OXR1: variants seen among roughly 807,000 people sequenced by gnomAD.
OXR1 encodes oxidation resistance 1.
Under a neutral mutation model 104.6 loss-of-function variants are expected in OXR1, and 41 were observed. The observed-to-expected ratio is 0.39, with a 90% CI of 0.31 to 0.51. The LOEUF is 0.51. Among genes scored for constraint, OXR1 ranks in the 20% least tolerant of loss-of-function variants. The pLI is 0.77. For missense variants in OXR1, 955 were observed against 1,031.9 expected (o/e 0.93, Z 1.02); for synonymous variants, 348 against 348.4 (o/e 1.00, Z 0.01).
At chr8:106,332,806 A>G (rs1178220413) in intron 1 of OXR1, among the ~76,000 whole-genome samples, 1 of 152,066 alleles carries the variant, frequency 6.6e-6, no homozygotes, top group Non-Finnish European at 1.5e-5. Flanking sequence ...CCTGGACACC[A>G]TATTCTACTT....
intron 1 of OXR1, among the ~76,000 whole-genome samples, chr8:106,321,554 T>G (rs1814218356): frequency 6.6e-6 from 1 of 152,100 alleles, no homozygotes; most frequent in Non-Finnish European, 1.5e-5. Context: ...TGAATGGTGT[T>G]AAGACTATTT....
intron 3 of OXR1, among the ~76,000 whole-genome samples, chr8:106,616,218 A>ATTTT (rs372788802): frequency 4.8e-3 from 456 of 95,982 alleles, no homozygotes; most frequent in African/African-American, 7.5e-3. Flanking sequence ...ATTTTTTGGA[A>ATTTT]TTTTTTTTTT....
intron 7 of OXR1, among the ~76,000 whole-genome samples, chr8:106,700,135 A>G (rs1676419): frequency 1.7e-4 from 26 of 152,228 alleles, no homozygotes; most frequent in African/African-American, 6.3e-4. Flanking sequence ...GTTAATACAA[A>G]AGAATAATCT....
rs563876721 is a variant in OXR1, at chr8:106,366,362, C to T, written c.23+6726C>T. ...ATAAAACTGGGTAGTCCATTCCAAACCTTAAGGCTAGAGTTTCTAAACACC... is the reference window on the plus strand; with the variant it reads ...ATAAAACTGGGTAGTCCATTCCAAATCTTAAGGCTAGAGTTTCTAAACACC... On this transcript the variant is annotated intron_variant, in intron 2 of 16. Coordinates refer to ENST00000517566, the MANE Select transcript of OXR1 (RefSeq NM_001198533.2). Among the ~76,000 whole-genome samples the T allele has an allele frequency of 1.3e-3, 191 of 152,240 alleles. 1 individual carries two copies. The highest frequency in any genetic ancestry group is 4.5e-3 in the African/African-American group (185 of 41,554).
chr8:106,312,884 T>C (rs182451802), intron 1 of OXR1, among the ~76,000 whole-genome samples: 41 of 152,330 alleles, frequency 2.7e-4, no homozygotes, highest in Non-Finnish European at 5.0e-4. Context: ...ATGTGTCCAG[T>C]GTTTCATCTG....
intron 2 of OXR1, among the ~76,000 whole-genome samples, chr8:106,430,389 A>G (rs1819314415): frequency 1.3e-5 from 2 of 152,216 alleles, no homozygotes; most frequent in South Asian, 4.1e-4. Flanking sequence ...GCTAAGAGAA[A>G]GAATATTTAT....
At chr8:106,605,442 G>T (rs1016576496) in intron 3 of OXR1, among the ~76,000 whole-genome samples, 4 of 152,052 alleles carry the variant, frequency 2.6e-5, no homozygotes, top group African/African-American at 9.6e-5. Context: ...ATTCTGTAGG[G>T]GAAAAGCCAG....
At chr8:106,699,448 G>A (rs957505367) in intron 7 of OXR1, among the ~76,000 whole-genome samples, 1 of 152,008 alleles carries the variant, frequency 6.6e-6, no homozygotes, top group Non-Finnish European at 1.5e-5. Flanking sequence ...AGTATGCTTC[G>A]GTAATCAAAG....
chr8:106,731,509 T>A (rs1011470054), intron 11 of OXR1, among the ~76,000 whole-genome samples: 2 of 152,156 alleles, frequency 1.3e-5, no homozygotes, highest in African/African-American at 4.8e-5. Context: ...TCACCAAGAT[T>A]TTTTTCCTGT....
At chr8:106,299,309 A>G (rs2938299) in intron 1 of OXR1, among the ~76,000 whole-genome samples, 37,434 of 151,628 alleles carry the variant, frequency 0.25, 5,832 homozygotes, top group East Asian at 0.56. Context: ...TTCTTTCTAC[A>G]TGTCATTTTG....
rs1000679454 is a variant in OXR1, at chr8:106,285,960, C to T, written c.-139+15593C>T. ...GCAACATTCCTTTGTGGACTGCCCT[C>T]GCCCCGTAACCACCTTTTTCAGTCC... On this transcript the variant is annotated intron_variant, in intron 1 of 16. Coordinates refer to ENST00000517566, the MANE Select transcript of OXR1 (RefSeq NM_001198533.2). Among the ~76,000 whole-genome samples, 12 of 151,046 alleles carry T rather than the reference C, an allele frequency of 7.9e-5. No homozygotes were observed. In the East Asian group the frequency reaches 1.6e-3, roughly 20 times the overall value.
chr8:106,405,138 C>A (rs2130487660), intron 2 of OXR1, among the ~76,000 whole-genome samples: 1 of 89,276 alleles, frequency 1.1e-5, no homozygotes, highest in African/African-American at 4.2e-5. Context: ...AATTCAGAAA[C>A]CACATATATA....
intron 1 of OXR1, among the ~76,000 whole-genome samples, chr8:106,353,248 G>A (rs1477834127): frequency 6.6e-6 from 1 of 152,038 alleles, no homozygotes; most frequent in Non-Finnish European, 1.5e-5. Context: ...TACTGGGGAG[G>A]TGAGGCAGGT....
chr8:106,593,232 T>G (rs930016003), intron 3 of OXR1, among the ~76,000 whole-genome samples: 32 of 152,156 alleles, frequency 2.1e-4, no homozygotes, highest in African/African-American at 7.5e-4. Flanking sequence ...GGCCATCCTG[T>G]ATAAGTATGC....
At chr8:106,605,355 G>A (rs1188779042) in intron 3 of OXR1, among the ~76,000 whole-genome samples, 1 of 152,104 alleles carries the variant, frequency 6.6e-6, no homozygotes, top group Non-Finnish European at 1.5e-5. Flanking sequence ...ATTTGTACAG[G>A]ACAGATATTC....
chr8:106,282,639 G>A (rs1586468735), intron 1 of OXR1, among the ~76,000 whole-genome samples: 1 of 152,224 alleles, frequency 6.6e-6, no homozygotes, highest in Admixed American at 6.5e-5. Flanking sequence ...AAATTATAAG[G>A]AAGATAACAT....
At chr8:106,364,442 T>C (rs1487103034) in intron 2 of OXR1, among the ~76,000 whole-genome samples, 1 of 151,996 alleles carries the variant, frequency 6.6e-6, no homozygotes, top group East Asian at 1.9e-4. Flanking sequence ...TTTGCATGGA[T>C]GGTGGCGCAC....
rs146632095 is a variant in OXR1, at chr8:106,584,172, A to G, written c.220+65033A>G. On this transcript the variant is annotated intron_variant, in intron 3 of 16. Coordinates refer to ENST00000517566, the MANE Select transcript of OXR1 (RefSeq NM_001198533.2). ...GTATAATTGCATAAATGAAAAACCCAGTAAAAGCTTTGAAGGAAATGTTTC... is the reference window on the plus strand; with the variant it reads ...GTATAATTGCATAAATGAAAAACCCGGTAAAAGCTTTGAAGGAAATGTTTC... Among the ~76,000 whole-genome samples, 397 of 152,236 alleles carry G rather than the reference A, an allele frequency of 2.6e-3. 4 individuals are homozygous for G. Among genetic ancestry groups the G allele is most frequent in the African/African-American group, 8.9e-3 (369 of 41,570 alleles).
intron 3 of OXR1, among the ~76,000 whole-genome samples, chr8:106,528,964 A>C (rs996898960): frequency 1.3e-5 from 2 of 152,192 alleles, no homozygotes; most frequent in African/African-American, 4.8e-5. Flanking sequence ...GTTTGAATTG[A>C]AATTTGTTTT....
Sources: gnomAD v4.1 joint callset for allele counts (sites outside exome capture counted in the v4.1 genomes callset) on GRCh38, gnomAD v4.1.1 for gene constraint, MANE v1.5 for transcripts, NCBI Gene and HGNC (gene_info 2026-07-23, HGNC 2026-07-21) for gene names.